SCARB2: variants seen among roughly 807,000 people sequenced by gnomAD.
SCARB2 encodes scavenger receptor class B member 2, also known as lysosome membrane protein 2.
In SCARB2, 29 loss-of-function variants were observed where a neutral mutation model predicts 58.6. That is an observed-to-expected ratio of 0.49 (90% CI 0.37 to 0.67). The LOEUF (loss-of-function observed/expected upper bound fraction) is 0.67, where lower values mean the gene tolerates loss of function less well. Among genes scored for constraint, SCARB2 ranks in the 30% least tolerant of loss-of-function variants. SCARB2 has a pLI of 0.00. For synonymous variants in SCARB2, 195 were observed against 210.1 expected, an observed-to-expected ratio of 0.93 and a Z score of 0.62; for missense variants, 488 against 578.5, an observed-to-expected ratio of 0.84 and a Z score of 1.60.
intron 1 of SCARB2, among the ~76,000 whole-genome samples, chr4:76,196,094 G>C (rs575671341): frequency 9.9e-5 from 15 of 152,146 alleles, no homozygotes; most frequent in Non-Finnish European, 2.1e-4. Context: ...TAAAGGGGCC[G>C]GGCCCAGTGG....
At chr4:76,200,113 A>T (rs754653571) in intron 1 of SCARB2, among the ~76,000 whole-genome samples, 1 of 152,144 alleles carries the variant, frequency 6.6e-6, no homozygotes, top group Non-Finnish European at 1.5e-5. Flanking sequence ...GTCCCCCTCA[A>T]AGGCGCCCTT....
At chr4:76,196,804 G>A (rs773788651) in intron 1 of SCARB2, among the ~76,000 whole-genome samples, 3 of 152,182 alleles carry the variant, frequency 2.0e-5, no homozygotes, top group Non-Finnish European at 4.4e-5. Context: ...AATCCCTCCT[G>A]CACTTTCCAC....
chr4:76,226,885 T>G (rs1379234534), intron 1 of SCARB2, among the ~76,000 whole-genome samples: 1 of 152,224 alleles, frequency 6.6e-6, no homozygotes, highest in African/African-American at 2.4e-5. Flanking sequence ...CCATTTCACT[T>G]CTAATTGAGC....
intron 6 of SCARB2, chr4:76,174,803 C>A (rs72857014): frequency 0.022 from 3,484 of 158,622 alleles, 129 homozygotes; most frequent in African/African-American, 0.078. Context: ...GATACTCAAT[C>A]CCCCCCTCCA....
At chr4:76,221,108 T>C (rs903307291) in intron 1 of SCARB2, among the ~76,000 whole-genome samples, 1 of 152,192 alleles carries the variant, frequency 6.6e-6, no homozygotes, top group African/African-American at 2.4e-5. Flanking sequence ...TATTCCCTTA[T>C]GAACAAGGCC....
intron 10 of SCARB2, chr4:76,164,786 T>C: frequency 7.1e-6 from 1 of 141,812 alleles, no homozygotes; most frequent in African/African-American, 2.8e-5. Context: ...AGTGAGACCT[T>C]GTCTCAAAAA....
upstream of SCARB2, chr4:76,217,832 G>T: frequency 2.5e-6 from 1 of 402,732 alleles, no homozygotes; most frequent in Non-Finnish European, 4.4e-6. Context: ...GATTGCTGGT[G>T]CCTGTTGAAA....
intron 1 of SCARB2, among the ~76,000 whole-genome samples, chr4:76,199,834 G>A (rs565560118): frequency 2.8e-4 from 42 of 152,304 alleles, no homozygotes; most frequent in African/African-American, 1.0e-3. Flanking sequence ...AGAGTTTCCA[G>A]GCAGCCGCGC....
chr4:76,167,872 A>G (rs781126893), intron 9 of SCARB2, among the ~76,000 whole-genome samples: 62 of 152,010 alleles, frequency 4.1e-4, no homozygotes, highest in Middle Eastern at 3.4e-3. Flanking sequence ...AGTAGAGACG[A>G]GGTTTCACCA....
intron 1 of SCARB2, among the ~76,000 whole-genome samples, chr4:76,209,977 T>G (rs1368830886): frequency 6.6e-6 from 1 of 152,196 alleles, no homozygotes; most frequent in Admixed American, 6.5e-5. Flanking sequence ...CTGCAGAGAT[T>G]AGGAGCGCAA....
chr4:76,166,198 G>T, intron 10 of SCARB2, 52 bp downstream of exon 10: 2 of 1,557,338 alleles, frequency 1.3e-6, no homozygotes, highest in South Asian at 1.1e-5. Flanking sequence ...CATCATAATG[G>T]ATTTTTTCTG....
intron 5 of SCARB2, 140 bp from the exon 6 acceptor site, chr4:76,176,050 T>C: frequency 9.2e-7 from 1 of 1,084,184 alleles, no homozygotes; most frequent in Non-Finnish European, 1.3e-6. Flanking sequence ...ACAGTTTTAA[T>C]TAGATCAAGG....
chr4:76,212,508 C>G (rs1185932285), intron 1 of SCARB2, among the ~76,000 whole-genome samples: 1 of 152,222 alleles, frequency 6.6e-6, no homozygotes, highest in Non-Finnish European at 1.5e-5. Context: ...TATCTGGCCG[C>G]AGCAAGTGCA....
Position 76,160,798 on chromosome 4 carries a change from C to G in SCARB2, c.*915G>C, listed in dbSNP as rs997491095. Reference sequence around the variant, plus strand: ...ATTCATAATTTTACAAATAATCACTCAATATTAGATTAATTAATACAGTAA... The same window carrying G: ...ATTCATAATTTTACAAATAATCACTGAATATTAGATTAATTAATACAGTAA... On this transcript the variant is annotated 3_prime_UTR_variant, in exon 12 of 12. Transcript: ENST00000264896. 6.6e-6 allele frequency: 1 copy of G among 152,034 alleles called. No individual in the cohort carries two copies. The highest frequency in any genetic ancestry group is 1.9e-4 in the East Asian group (1 of 5,200). 9.4% of individuals were successfully genotyped at this position (152,034 alleles called of 1,614,324 possible). A position where few individuals can be genotyped will look rare whatever the true frequency, so the allele number is the denominator to read the frequency against.
At position 76,161,628 on chromosome 4, in the gene SCARB2, G is replaced by T; in HGVS notation, c.*85C>A. 2 of 1,401,396 alleles carry T rather than the reference G, an allele frequency of 1.4e-6. No homozygotes were observed. The highest frequency in any genetic ancestry group is 2.0e-6 in the Non-Finnish European group (2 of 986,414). The allele number at this position is 1,401,396 out of a possible 1,614,324, so 86.8% of individuals were successfully genotyped here. A position where few individuals can be genotyped will look rare whatever the true frequency, so the allele number is the denominator to read the frequency against. On this transcript the variant is annotated 3_prime_UTR_variant, in exon 12 of 12. Transcript: ENST00000264896. Reference sequence around the variant, plus strand: ...TTTTCCTTCTTTCAACAGGCAACAAGCCTGCAAGGAGGTGGAGGGTTTCCC... The same window carrying T: ...TTTTCCTTCTTTCAACAGGCAACAATCCTGCAAGGAGGTGGAGGGTTTCCC...
chr4:76,216,910 G>A (rs1375344213), upstream of SCARB2, among the ~76,000 whole-genome samples: 3 of 152,248 alleles, frequency 2.0e-5, no homozygotes, highest in Non-Finnish European at 4.4e-5. Flanking sequence ...TGATCCCACA[G>A]TAATCTCTGT....
chr4:76,196,186 C>T (rs1732709351), intron 1 of SCARB2, among the ~76,000 whole-genome samples: 1 of 152,154 alleles, frequency 6.6e-6, no homozygotes, highest in African/African-American at 2.4e-5. Context: ...AACCCCGTCT[C>T]TACTAAAAAT....
intron 1 of SCARB2, among the ~76,000 whole-genome samples, chr4:76,202,944 A>G (rs189916519): frequency 1.6e-4 from 25 of 152,298 alleles, no homozygotes; most frequent in Non-Finnish European, 2.1e-4. Context: ...TGTTGCTTTC[A>G]TGCTGAAGTA....
chr4:76,186,421 C>T (rs775969399), intron 2 of SCARB2, among the ~76,000 whole-genome samples: 1 of 151,952 alleles, frequency 6.6e-6, no homozygotes, highest in Admixed American at 6.6e-5. Flanking sequence ...GAAAGGAGTA[C>T]TGAAGTCCTA....
Sources: allele counts gnomAD v4.1 joint callset (sites outside exome capture counted in the v4.1 genomes callset), GRCh38; gene constraint gnomAD v4.1.1; transcripts MANE v1.5; gene names NCBI Gene and HGNC (gene_info 2026-07-23, HGNC 2026-07-21).